The following XYLT1 variants were observed in gnomAD, a reference collection of about 807,000 sequenced individuals.
The protein encoded by XYLT1 is xylosyltransferase 1.
Under a neutral mutation model 91.3 loss-of-function variants are expected in XYLT1, and 36 were observed. That is an observed-to-expected ratio of 0.39 (90% CI 0.30 to 0.52). The LOEUF (loss-of-function observed/expected upper bound fraction) is 0.52, where lower values mean the gene tolerates loss of function less well. XYLT1 is among the 20% of genes least tolerant of loss of function. The pLI is 0.68. For synonymous variants in XYLT1, 588 were observed against 532.0 expected (o/e 1.11, Z -1.45); for missense variants, 1,242 against 1,284.5 (o/e 0.97, Z 0.51).
chr16:17,272,994 G>A (rs76996430), intron 2 of XYLT1, among the ~76,000 whole-genome samples: 2,882 of 152,256 alleles, frequency 0.019, 91 homozygotes, highest in African/African-American at 0.065. Flanking sequence ...GAGTGGGTGG[G>A]AGAACATCAG....
chr16:17,445,264 G>A (rs545512935), intron 1 of XYLT1, among the ~76,000 whole-genome samples: 2 of 152,280 alleles, frequency 1.3e-5, no homozygotes, highest in South Asian at 2.1e-4. Flanking sequence ...CCAAAGTGCT[G>A]GGATTACAGG....
At chr16:17,381,220 C>A (rs947583245) in intron 1 of XYLT1, among the ~76,000 whole-genome samples, 1 of 151,840 alleles carries the variant, frequency 6.6e-6, no homozygotes, top group Non-Finnish European at 1.5e-5. Flanking sequence ...TAAGAAAATC[C>A]TGGGGGTGAT....
In XYLT1 at chr16:17,392,567, G is replaced by A. The variant is rs115695394; in HGVS notation, c.364-34517C>T. On this transcript the variant is annotated intron_variant, in intron 1 of 11. Coordinates refer to ENST00000261381, the MANE Select transcript of XYLT1 (RefSeq NM_022166.4). Reference sequence around the variant, plus strand: ...AAAAATATTTATTGAATGAATAAACGACCATCGGAAGGAGAAAGGAAACCC... The same window carrying A: ...AAAAATATTTATTGAATGAATAAACAACCATCGGAAGGAGAAAGGAAACCC... 4.1e-3 allele frequency among the ~76,000 whole-genome samples: 631 copies of A among 152,146 alleles called. 4 individuals are homozygous for A. The highest frequency in any genetic ancestry group is 0.015 in the African/African-American group (607 of 41,478).
chr16:17,115,138 C>T (rs963466175), intron 11 of XYLT1, among the ~76,000 whole-genome samples: 16 of 151,926 alleles, frequency 1.1e-4, no homozygotes, highest in South Asian at 2.1e-4. Context: ...CCACCGCACC[C>T]GGCTGGGCAC....
chr16:17,302,180 G>A (rs949405231), intron 2 of XYLT1, among the ~76,000 whole-genome samples: 2 of 151,968 alleles, frequency 1.3e-5, no homozygotes, highest in Non-Finnish European at 2.9e-5. Flanking sequence ...ACTCCAGCCT[G>A]GGTGACAGAG....
intron 2 of XYLT1, among the ~76,000 whole-genome samples, chr16:17,296,450 A>G (rs954879115): frequency 3.3e-5 from 5 of 152,122 alleles, no homozygotes; most frequent in African/African-American, 1.2e-4. Flanking sequence ...TGGGTGATTA[A>G]AGCAGAGGAC....
chr16:17,324,479 T>A (rs1596482376), intron 2 of XYLT1, among the ~76,000 whole-genome samples: 3 of 152,174 alleles, frequency 2.0e-5, no homozygotes, highest in African/African-American at 7.2e-5. Context: ...TGCAGGGTGC[T>A]AATTTTGTAA....
chr16:17,129,083 A>C (rs1282573296), intron 9 of XYLT1, among the ~76,000 whole-genome samples: 1 of 118,082 alleles, frequency 8.5e-6, no homozygotes, highest in African/African-American at 2.7e-5. Context: ...AAAAAAAAAA[A>C]AAAAAAAAAA....
intron 2 of XYLT1, among the ~76,000 whole-genome samples, chr16:17,343,413 C>G (rs1346178497): frequency 6.6e-6 from 1 of 152,182 alleles, no homozygotes; most frequent in Non-Finnish European, 1.5e-5. Context: ...CAGATGTGAG[C>G]TGGAGGCCCT....
chr16:17,219,722 A>G (rs1425220901), intron 3 of XYLT1, among the ~76,000 whole-genome samples: 1 of 152,008 alleles, frequency 6.6e-6, no homozygotes, highest in Non-Finnish European at 1.5e-5. Context: ...GCTCACTGCA[A>G]CCTCTGCCTC....
At chr16:17,466,177 C>T (rs866467479) in intron 1 of XYLT1, among the ~76,000 whole-genome samples, 7 of 151,968 alleles carry the variant, frequency 4.6e-5, no homozygotes, top group African/African-American at 4.8e-5. Flanking sequence ...GATCTGGGTC[C>T]GCAGAAATGG....
intron 2 of XYLT1, among the ~76,000 whole-genome samples, chr16:17,263,139 T>C (rs143067336): frequency 1.1e-3 from 162 of 152,208 alleles, no homozygotes; most frequent in African/African-American, 3.7e-3. Flanking sequence ...CCCTTCTCTT[T>C]CCTTGTTATC....
intron 5 of XYLT1, among the ~76,000 whole-genome samples, chr16:17,160,680 A>G (rs1344215157): frequency 6.6e-6 from 1 of 152,092 alleles, no homozygotes; most frequent in East Asian, 1.9e-4. Context: ...GATGCTCGCA[A>G]AGGGCTAACC....
At chr16:17,365,323 G>T (rs1013585495) in intron 1 of XYLT1, among the ~76,000 whole-genome samples, 2 of 152,150 alleles carry the variant, frequency 1.3e-5, no homozygotes, top group African/African-American at 4.8e-5. Flanking sequence ...GTCCCCATGG[G>T]ATTTCACACT....
At chr16:17,357,239 T>C (rs1483474090) in intron 2 of XYLT1, among the ~76,000 whole-genome samples, 3 of 150,210 alleles carry the variant, frequency 2.0e-5, no homozygotes, top group African/African-American at 7.4e-5. Flanking sequence ...CCCCGGACTT[T>C]ATAAACATCA....
At chr16:17,421,926 C>A (rs943990596) in intron 1 of XYLT1, among the ~76,000 whole-genome samples, 1 of 152,164 alleles carries the variant, frequency 6.6e-6, no homozygotes, top group African/African-American at 2.4e-5. Flanking sequence ...CAGCCTTGAA[C>A]TCCTGGGCTG....
At chr16:17,303,508 G>C (rs1332083198) in intron 2 of XYLT1, among the ~76,000 whole-genome samples, 3 of 152,192 alleles carry the variant, frequency 2.0e-5, no homozygotes, top group Admixed American at 6.5e-5. Flanking sequence ...AATAAACAAA[G>C]AGACATGTTG....
intron 8 of XYLT1, among the ~76,000 whole-genome samples, chr16:17,136,210 G>C (rs1299687054): frequency 6.6e-6 from 1 of 152,172 alleles, no homozygotes; most frequent in Non-Finnish European, 1.5e-5. Flanking sequence ...AGAAAACTGA[G>C]CTCAGAGAGG....
chr16:17,229,287 G>A (rs560358588), intron 3 of XYLT1, among the ~76,000 whole-genome samples: 42 of 152,294 alleles, frequency 2.8e-4, no homozygotes, highest in African/African-American at 9.1e-4. Flanking sequence ...GTCCTGGCCC[G>A]CATGTCCATG....
Sources: allele counts gnomAD v4.1 joint callset (sites outside exome capture counted in the v4.1 genomes callset), GRCh38; gene constraint gnomAD v4.1.1; transcripts MANE v1.5; gene names NCBI Gene and HGNC (gene_info 2026-07-23, HGNC 2026-07-21).